The following ZNF385B variants were observed in gnomAD, a reference collection of about 807,000 sequenced individuals.
The protein encoded by ZNF385B is zinc finger protein 533.
A neutral mutation model predicts 39.2 loss-of-function variants in ZNF385B; 23 were observed. The ratio of observed to expected loss-of-function variants is 0.59; its 90% CI spans 0.42 to 0.83. The LOEUF is 0.83. ZNF385B is among the 40% of genes least tolerant of loss of function. The pLI, the probability that ZNF385B is intolerant of heterozygous loss-of-function variation, is 0.00. For missense variants in ZNF385B, 552 were observed against 598.9 expected (o/e 0.92, Z 0.82); for synonymous variants, 205 against 222.6 (o/e 0.92, Z 0.70).
chr2:179,637,073 T>C (rs1217400229), intron 3 of ZNF385B: 6 of 152,218 alleles, frequency 3.9e-5, no homozygotes, highest in Admixed American at 3.3e-4. Flanking sequence ...ATTAGTACTC[T>C]AGCATACTCA....
intron 3 of ZNF385B, among the ~76,000 whole-genome samples, chr2:179,749,143 T>A (rs547968334): frequency 6.6e-6 from 1 of 152,094 alleles, no homozygotes; most frequent in East Asian, 1.9e-4. Context: ...TAACTTACTA[T>A]CCTATAAGAT....
chr2:179,726,611 T>C (rs1165233063), intron 3 of ZNF385B, among the ~76,000 whole-genome samples: 1 of 152,112 alleles, frequency 6.6e-6, no homozygotes. Flanking sequence ...AGTGTTTTTA[T>C]TACAAGTCAC....
chr2:179,521,542 T>A (rs7419680), intron 4 of ZNF385B, among the ~76,000 whole-genome samples: 1 of 151,408 alleles, frequency 6.6e-6, no homozygotes, highest in Non-Finnish European at 1.5e-5. Context: ...TTGCACCACA[T>A]TGGCCTGAAA....
chr2:179,443,801 C>T (rs552710227), intron 9 of ZNF385B, among the ~76,000 whole-genome samples: 1 of 152,264 alleles, frequency 6.6e-6, no homozygotes, highest in Admixed American at 6.5e-5. Context: ...ATGCAAAATT[C>T]AGGCTTGTCT....
intron 3 of ZNF385B, chr2:179,745,581 G>C (rs1575408980): frequency 4.2e-6 from 3 of 707,982 alleles, no homozygotes; most frequent in East Asian, 6.6e-5. Flanking sequence ...CTTCAGCTTT[G>C]CTCCTTCAGA....
rs189433702 is a variant in ZNF385B, at chr2:179,588,633, T to G, written c.299-43664A>C. Among the ~76,000 whole-genome samples, 393 of 152,270 alleles carry G rather than the reference T, an allele frequency of 2.6e-3. 5 individuals carry two copies. The South Asian group carries it at 0.026, about 10-fold the overall frequency. On this transcript the variant is annotated intron_variant, in intron 3 of 9. Transcript: ENST00000410066. ...CGAGGCCATGAAAACCACTCATTTA[T>G]CATATGCCACACCACAGTGATCCTC...
At chr2:179,819,272 T>G (rs770625490) in intron 1 of ZNF385B, among the ~76,000 whole-genome samples, 1 of 152,144 alleles carries the variant, frequency 6.6e-6, no homozygotes, top group South Asian at 2.1e-4. Context: ...GTGGTCACCA[T>G]TGAGATGTTG....
intron 1 of ZNF385B, among the ~76,000 whole-genome samples, chr2:179,806,969 C>T (rs1048849312): frequency 6.6e-6 from 1 of 152,144 alleles, no homozygotes; most frequent in African/African-American, 2.4e-5. Context: ...GCAATCCATA[C>T]GCTTCTAGAG....
At chr2:179,743,096 T>A (rs141635855) in intron 3 of ZNF385B, among the ~76,000 whole-genome samples, 202 of 152,202 alleles carry the variant, frequency 1.3e-3, no homozygotes, top group Admixed American at 2.0e-3. Flanking sequence ...AAAACTTTTT[T>A]AAAAAGATTT....
intron 3 of ZNF385B, among the ~76,000 whole-genome samples, chr2:179,765,183 A>G (rs974874028): frequency 4.6e-5 from 7 of 152,096 alleles, no homozygotes; most frequent in Admixed American, 1.3e-4. Context: ...CCATATTTCT[A>G]TTCTTTCCAT....
intron 3 of ZNF385B, among the ~76,000 whole-genome samples, chr2:179,709,629 A>G (rs941699860): frequency 6.6e-6 from 1 of 152,168 alleles, no homozygotes; most frequent in African/African-American, 2.4e-5. Flanking sequence ...CACTGGGGAC[A>G]ATGTACCCTT....
At chr2:179,838,928 A>AGC (rs1553543321) in intron 1 of ZNF385B, among the ~76,000 whole-genome samples, 1 of 131,068 alleles carries the variant, frequency 7.6e-6, no homozygotes, top group Non-Finnish European at 1.6e-5. Flanking sequence ...CCAAAAAAAA[A>AGC]GGGGGGGGGG....
intron 3 of ZNF385B, among the ~76,000 whole-genome samples, chr2:179,572,135 T>C (rs549188389): frequency 2.9e-4 from 44 of 152,130 alleles, no homozygotes; most frequent in African/African-American, 9.6e-4. Context: ...AGGAGCCACT[T>C]TGTGCTTCCA....
At chr2:179,792,375 C>CATTTTTTTTTTTTTTTTTTTTT (rs1553535786) in intron 1 of ZNF385B, among the ~76,000 whole-genome samples, 1 of 124,126 alleles carries the variant, frequency 8.1e-6, no homozygotes, top group Non-Finnish European at 1.6e-5. Flanking sequence ...ATTTTCTTTT[C>CATTTTTTTTTTTTTTTTTTTTT]TTTTTTTTTT....
At chr2:179,488,094 T>G (rs992832710) in intron 5 of ZNF385B, among the ~76,000 whole-genome samples, 6 of 152,232 alleles carry the variant, frequency 3.9e-5, no homozygotes, top group Admixed American at 1.3e-4. Flanking sequence ...ACCCAAAAAC[T>G]TCTAAACTTC....
At chr2:179,576,771 G>C (rs539756000) in intron 3 of ZNF385B, among the ~76,000 whole-genome samples, 1 of 152,250 alleles carries the variant, frequency 6.6e-6, no homozygotes, top group East Asian at 1.9e-4. Context: ...GTAATTCAGG[G>C]AAGAGACCAG....
intron 3 of ZNF385B, among the ~76,000 whole-genome samples, chr2:179,559,085 T>G (rs2061148691): frequency 6.6e-6 from 1 of 152,186 alleles, no homozygotes; most frequent in South Asian, 2.1e-4. Context: ...TGTTAGAAAT[T>G]TCCTAATATC....
intron 3 of ZNF385B, among the ~76,000 whole-genome samples, chr2:179,659,130 CAT>C (rs564240213): frequency 2.6e-5 from 4 of 152,180 alleles, no homozygotes; most frequent in Admixed American, 6.5e-5. Flanking sequence ...TGTTCTCACA[CAT>C]GAGGTAGTGT....
At chr2:179,692,319 A>G (rs1037398004) in intron 3 of ZNF385B, among the ~76,000 whole-genome samples, 1 of 152,092 alleles carries the variant, frequency 6.6e-6, no homozygotes, top group Non-Finnish European at 1.5e-5. Context: ...CTGCCTCAAG[A>G]GACATTTAAG....
Sources: gnomAD v4.1 joint callset for allele counts (sites outside exome capture counted in the v4.1 genomes callset) on GRCh38, gnomAD v4.1.1 for gene constraint, MANE v1.5 for transcripts, NCBI Gene and HGNC (gene_info 2026-07-23, HGNC 2026-07-21) for gene names.